SLC9C1: variants seen among roughly 807,000 people sequenced by gnomAD.
SLC9C1 encodes the protein solute carrier family 9 member C1.
A neutral mutation model predicts 140.9 loss-of-function variants in SLC9C1; 97 were observed. That is an observed-to-expected ratio of 0.69 (90% confidence interval 0.58 to 0.82). The LOEUF is 0.82. SLC9C1 is among the 40% of genes least tolerant of loss of function. The pLI is 0.00. For synonymous variants in SLC9C1, 440 were observed against 442.6 expected (o/e 0.99, Z 0.07); for missense variants, 1,340 against 1,389.3 (o/e 0.96, Z 0.56).
At chr3:112,228,540 A>G (rs1244383330) in intron 13 of SLC9C1, among the ~76,000 whole-genome samples, 2 of 152,154 alleles carry the variant, frequency 1.3e-5, no homozygotes, top group African/African-American at 2.4e-5. Context: ...ATGAGATTAT[A>G]TCAAACTAAA....
chr3:112,212,383 A>C (rs987593446), intron 15 of SLC9C1, among the ~76,000 whole-genome samples: 6 of 152,240 alleles, frequency 3.9e-5, no homozygotes, highest in African/African-American at 1.4e-4. Flanking sequence ...TGAGAGAAGA[A>C]GGTTTCAGAT....
intron 11 of SLC9C1, 95 bp downstream of exon 11, chr3:112,243,900 T>C: frequency 1.2e-6 from 1 of 865,688 alleles, no homozygotes; most frequent in Non-Finnish European, 1.7e-6. Flanking sequence ...CTATGTTGCC[T>C]AGGCTGTATA....
intron 23 of SLC9C1, among the ~76,000 whole-genome samples, chr3:112,175,326 C>A (rs73218087): frequency 4.6e-5 from 7 of 152,300 alleles, no homozygotes; most frequent in Non-Finnish European, 5.9e-5. Flanking sequence ...CCTCTGAGAG[C>A]TCTGCCCCAG....
At chr3:112,255,406 A>G (rs1044079550) in intron 10 of SLC9C1, among the ~76,000 whole-genome samples, 1 of 152,190 alleles carries the variant, frequency 6.6e-6, no homozygotes, top group Non-Finnish European at 1.5e-5. Context: ...AGCACAATAA[A>G]AACAGAAATT....
At chr3:112,212,013 G>A (rs1049742404) in intron 15 of SLC9C1, among the ~76,000 whole-genome samples, 2 of 152,162 alleles carry the variant, frequency 1.3e-5, no homozygotes, top group Admixed American at 6.5e-5. Flanking sequence ...TGAAACATCC[G>A]GAGGAATGAT....
At chr3:112,201,427 G>A (rs1025370377) in intron 18 of SLC9C1, among the ~76,000 whole-genome samples, 2 of 152,058 alleles carry the variant, frequency 1.3e-5, no homozygotes, top group Non-Finnish European at 2.9e-5. Flanking sequence ...GTTGCAGGAG[G>A]TGAAGAGAGG....
At chr3:112,233,967 A>T (rs2078908589) in intron 12 of SLC9C1, among the ~76,000 whole-genome samples, 1 of 152,152 alleles carries the variant, frequency 6.6e-6, no homozygotes, top group African/African-American at 2.4e-5. Flanking sequence ...TTATAGCAGC[A>T]TGTTTTATAA....
chr3:112,196,089 A>G (rs886626056), intron 20 of SLC9C1, among the ~76,000 whole-genome samples: 2 of 152,126 alleles, frequency 1.3e-5, no homozygotes, highest in African/African-American at 2.4e-5. Context: ...ATCTAGAGGT[A>G]ACAAACTCCC....
At chr3:112,222,878 C>A (rs1007971837) in intron 13 of SLC9C1, among the ~76,000 whole-genome samples, 10 of 152,122 alleles carry the variant, frequency 6.6e-5, no homozygotes, top group African/African-American at 2.4e-4. Flanking sequence ...AAAAATCATT[C>A]CTTTGTCTTC....
At chr3:112,163,820 G>A (rs542041555) in intron 26 of SLC9C1, among the ~76,000 whole-genome samples, 73 of 152,124 alleles carry the variant, frequency 4.8e-4, no homozygotes, top group African/African-American at 1.7e-3. Context: ...CAATTCCTGG[G>A]TATCCTTGTT....
intron 25 of SLC9C1, among the ~76,000 whole-genome samples, 178 bp from the exon 26 acceptor site, chr3:112,167,525 G>A (rs1475343458): frequency 1.3e-5 from 2 of 151,870 alleles, no homozygotes; most frequent in African/African-American, 4.8e-5. Context: ...TTTTGTAAAA[G>A]TCACTATTCC....
chr3:112,160,883 C>A (rs1576231923), intron 26 of SLC9C1, among the ~76,000 whole-genome samples: 2 of 152,098 alleles, frequency 1.3e-5, no homozygotes. Flanking sequence ...TACAGTCCCA[C>A]CAACAGTGCA....
chr3:112,277,840 G>A lies in SLC9C1; in HGVS notation c.339C>T (p.Pro113=), dbSNP rs377123017. ...LFWQILLISI[P]GFLVNYILVL... Reference sequence around the variant, plus strand: ...CTAAGATATAATTAACCAAAAAGCCGGGAATTGAAATTAAAAGTATCTGCA... The same window carrying A: ...CTAAGATATAATTAACCAAAAAGCCAGGAATTGAAATTAAAAGTATCTGCA... Residue 113 remains proline, a synonymous_variant, in exon 5 of 29, where the codon CCC becomes CCT. Transcript: ENST00000305815. The A allele has an allele frequency of 1.0e-4, 162 of 1,595,406 alleles. 1 individual carries two copies. The highest frequency in any genetic ancestry group is 2.9e-4 in the South Asian group (25 of 86,856).
intron 2 of SLC9C1, among the ~76,000 whole-genome samples, chr3:112,286,411 C>T (rs1485922085): frequency 6.6e-6 from 1 of 152,140 alleles, no homozygotes; most frequent in East Asian, 1.9e-4. Flanking sequence ...TGATTTTCTG[C>T]CTGTTTTCTT....
At chr3:112,248,453 T>C (rs2079355034) in intron 10 of SLC9C1, among the ~76,000 whole-genome samples, 1 of 152,250 alleles carries the variant, frequency 6.6e-6, no homozygotes, top group Admixed American at 6.5e-5. Flanking sequence ...TGATAACTGA[T>C]ACATATGTAT....
intron 3 of SLC9C1, among the ~76,000 whole-genome samples, chr3:112,280,431 A>AATAGC (rs11280983): frequency 4.6e-5 from 7 of 151,340 alleles, no homozygotes; most frequent in Non-Finnish European, 1.0e-4. Context: ...TAATACTTTT[A>AATAGC]TGTATGTACT....
chr3:112,213,850 A>C (rs1444580230), intron 15 of SLC9C1, among the ~76,000 whole-genome samples: 2 of 152,202 alleles, frequency 1.3e-5, no homozygotes, highest in Admixed American at 6.5e-5. Context: ...GCTCTGCACC[A>C]AGCACACCTA....
At chr3:112,240,808 C>G (rs1163492005) in intron 11 of SLC9C1, among the ~76,000 whole-genome samples, 1 of 152,118 alleles carries the variant, frequency 6.6e-6, no homozygotes, top group Non-Finnish European at 1.5e-5. Context: ...TTCTAGCTTC[C>G]TAAGAAATTT....
chr3:112,206,166 A>AACAG (rs199509414), intron 16 of SLC9C1, among the ~76,000 whole-genome samples: 4 of 126,410 alleles, frequency 3.2e-5, no homozygotes, highest in Admixed American at 8.4e-5. Context: ...GAAAAAAACA[A>AACAG]CCCCATCAAA....
Sources: gnomAD v4.1 joint callset for allele counts (sites outside exome capture counted in the v4.1 genomes callset) on GRCh38, gnomAD v4.1.1 for gene constraint, MANE v1.5 for transcripts, NCBI Gene and HGNC (gene_info 2026-07-23, HGNC 2026-07-21) for gene names.